WT1: variants seen among roughly 807,000 people sequenced by gnomAD.
WT1 encodes WT1 transcription factor.
A neutral mutation model predicts 60.8 loss-of-function variants in WT1; 8 were observed. The observed-to-expected ratio is 0.13, with a 90% CI of 0.08 to 0.24. WT1 has a LOEUF of 0.24. Ranked by LOEUF, WT1 falls within the 10% of genes least tolerant of loss-of-function variation. The pLI is 1.00. For missense variants in WT1, 568 were observed against 711.8 expected (o/e 0.80, Z 2.30); for synonymous variants, 312 against 297.1 (o/e 1.05, Z -0.52).
chr11:32,394,381 C>T (rs759178323), intron 7 of WT1, among the ~76,000 whole-genome samples: 4 of 152,188 alleles, frequency 2.6e-5, no homozygotes, highest in Non-Finnish European at 5.9e-5. Flanking sequence ...GAAACTTTCT[C>T]GGATGACCTT....
At chr11:32,390,249 G>C (rs1302162262) in intron 9 of WT1, among the ~76,000 whole-genome samples, 5 of 152,186 alleles carry the variant, frequency 3.3e-5, no homozygotes, top group Non-Finnish European at 7.3e-5. Context: ...GGCCTTCTCT[G>C]AGAACTACTG....
intron 5 of WT1, among the ~76,000 whole-genome samples, chr11:32,403,840 G>A (rs1807173495): frequency 6.6e-6 from 1 of 151,832 alleles, no homozygotes; most frequent in African/African-American, 2.4e-5. Flanking sequence ...CCATTGTGCT[G>A]GGATTACAGG....
intron 3 of WT1, among the ~76,000 whole-genome samples, chr11:32,422,690 T>C (rs1852894235): frequency 6.6e-6 from 1 of 152,172 alleles, no homozygotes; most frequent in Admixed American, 6.5e-5. Flanking sequence ...ATAATCTACT[T>C]GTAACAGGCT....
At chr11:32,392,623 C>A (rs2132918631) in intron 8 of WT1, 43 bp downstream of exon 8, 1 of 1,582,874 alleles carries the variant, frequency 6.3e-7, no homozygotes, top group Non-Finnish European at 8.7e-7. Flanking sequence ...AACCCTAGCC[C>A]AAGGGAACAC....
At chr11:32,417,536 T>A (rs1465418890) in intron 4 of WT1, 41 bp downstream of exon 4, 2 of 1,554,150 alleles carry the variant, frequency 1.3e-6, no homozygotes, top group Non-Finnish European at 1.8e-6. Flanking sequence ...CAAACAGGTA[T>A]AAGTTACTGT....
At chr11:32,405,375 C>T (rs994632860) in intron 5 of WT1, among the ~76,000 whole-genome samples, 3 of 151,868 alleles carry the variant, frequency 2.0e-5, no homozygotes, top group Non-Finnish European at 4.4e-5. Context: ...GAATCACTGT[C>T]GGGTCAAATA....
chr11:32,399,304 T>G (rs1032176568), intron 6 of WT1, among the ~76,000 whole-genome samples: 18 of 152,160 alleles, frequency 1.2e-4, no homozygotes, highest in Non-Finnish European at 1.3e-4. Context: ...CATGGCATTA[T>G]GCATTTTTCA....
chr11:32,400,062 G>C lies in WT1; in HGVS notation c.1017-18C>G. Reference sequence around the variant, plus strand: ...TGCTGTGGCTGCAAACACAAAGAAGGGAAAAAGGCTCAGTGTGGCTCACAG... The same window carrying C: ...TGCTGTGGCTGCAAACACAAAGAAGCGAAAAAGGCTCAGTGTGGCTCACAG... On this transcript the variant is annotated intron_variant, in intron 5 of 9. Coordinates refer to ENST00000452863, the MANE Select transcript of WT1 (RefSeq NM_024426.6). 6.2e-7 allele frequency: 1 copy of C among 1,613,890 alleles called. No homozygotes were observed. The highest frequency in any genetic ancestry group is 1.3e-5 in the African/African-American group (1 of 75,038).
chr11:32,404,218 G>A (rs1003479421), intron 5 of WT1, among the ~76,000 whole-genome samples: 5 of 144,184 alleles, frequency 3.5e-5, no homozygotes, highest in Non-Finnish European at 6.0e-5. Context: ...GCAGTGAGCC[G>A]AGATCGTGCC....
At chr11:32,425,149 C>T (rs1002131017) in intron 3 of WT1, among the ~76,000 whole-genome samples, 3 of 145,362 alleles carry the variant, frequency 2.1e-5, no homozygotes, top group Non-Finnish European at 4.5e-5. Flanking sequence ...TGCACTCCAG[C>T]CTGGGCGACA....
intron 5 of WT1, among the ~76,000 whole-genome samples, chr11:32,416,178 G>A (rs1157091051): frequency 1.3e-5 from 2 of 152,122 alleles, no homozygotes; most frequent in African/African-American, 4.8e-5. Flanking sequence ...AGGAACATGT[G>A]GCATTATGGT....
chr11:32,410,289 T>C (rs1436386053), intron 5 of WT1, among the ~76,000 whole-genome samples: 1 of 152,158 alleles, frequency 6.6e-6, no homozygotes, highest in Non-Finnish European at 1.5e-5. Flanking sequence ...TACTTCTATC[T>C]AAAGATAAAT....
intron 3 of WT1, among the ~76,000 whole-genome samples, chr11:32,425,322 T>C (rs936223072): frequency 7.0e-6 from 1 of 142,170 alleles, no homozygotes; most frequent in African/African-American, 2.9e-5. Context: ...TCCCAAACTT[T>C]AGAGAGAAAA....
chr11:32,430,738 A>G (rs1853276303), intron 1 of WT1: 1 of 1,346,018 alleles, frequency 7.4e-7, no homozygotes, highest in African/African-American at 1.5e-5. Flanking sequence ...CAGACCGGAC[A>G]CGCAGACCTC....
rs886048244 is a variant in WT1, at chr11:32,435,500, G to T, written c.-140C>A. The T allele has an allele frequency of 3.7e-6, 5 of 1,339,532 alleles. No homozygotes were observed. In the South Asian group the frequency reaches 5.7e-5, roughly 15 times the overall value. The allele number at this position is 1,339,532 out of a possible 1,614,324, so 83.0% of individuals were successfully genotyped here. A position where few individuals can be genotyped will look rare whatever the true frequency, so the allele number is the denominator to read the frequency against. On this transcript the variant is annotated 5_prime_UTR_variant, in exon 1 of 10. Coordinates refer to ENST00000452863, the MANE Select transcript of WT1 (RefSeq NM_024426.6). ...GGCGGTCGGGTTGCGGAGAGCCCCCGGGTGTGGGCGCTGCCTTGAACTCCT... is the reference window on the plus strand; with the variant it reads ...GGCGGTCGGGTTGCGGAGAGCCCCCTGGTGTGGGCGCTGCCTTGAACTCCT...
At chr11:32,423,593 T>C (rs959747469) in intron 3 of WT1, among the ~76,000 whole-genome samples, 3 of 152,188 alleles carry the variant, frequency 2.0e-5, no homozygotes, top group Non-Finnish European at 4.4e-5. Context: ...CACTTATCCA[T>C]CTAGAGAGAA....
intron 5 of WT1, among the ~76,000 whole-genome samples, chr11:32,404,032 G>T (rs1351003485): frequency 6.6e-6 from 1 of 152,010 alleles, no homozygotes; most frequent in Non-Finnish European, 1.5e-5. Flanking sequence ...CCAGCACTTT[G>T]GGAGGCCGAG....
chr11:32,395,479 T>C (rs1244234513), intron 7 of WT1, among the ~76,000 whole-genome samples: 3 of 147,472 alleles, frequency 2.0e-5, no homozygotes, highest in African/African-American at 7.4e-5. Flanking sequence ...TCTCTCTCCT[T>C]TTTTTTTTTT....
At chr11:32,407,277 A>T (rs1348380160) in intron 5 of WT1, among the ~76,000 whole-genome samples, 1 of 152,170 alleles carries the variant, frequency 6.6e-6, no homozygotes, top group African/African-American at 2.4e-5. Flanking sequence ...CAAAACACTT[A>T]ACATTGCAAG....
Sources: allele counts gnomAD v4.1 joint callset (sites outside exome capture counted in the v4.1 genomes callset), GRCh38; gene constraint gnomAD v4.1.1; transcripts MANE v1.5; gene names NCBI Gene and HGNC (gene_info 2026-07-23, HGNC 2026-07-21).